MTBP: variants seen among roughly 807,000 people sequenced by gnomAD.
MTBP encodes MDM2 binding protein.
Under a neutral mutation model 117.0 loss-of-function variants are expected in MTBP, and 101 were observed. That is an observed-to-expected ratio of 0.86 (90% CI 0.73 to 1.02). The LOEUF is 1.02. MTBP is among the 50% of genes least tolerant of loss of function. The probability of loss-of-function intolerance (pLI) is 0.00; values close to 1 mark genes in which losing one functional copy is unlikely to be tolerated. For missense variants in MTBP, 970 were observed against 1,030.9 expected (o/e 0.94, Z 0.81); for synonymous variants, 350 against 351.5 (o/e 1.00, Z 0.05).
At chr8:120,522,368 G>A (rs950277685) in intron 20 of MTBP, among the ~76,000 whole-genome samples, 8 of 151,600 alleles carry the variant, frequency 5.3e-5, no homozygotes, top group Non-Finnish European at 7.4e-5. Context: ...GGATGCTCAC[G>A]GTGGAGGGTG....
At chr8:120,462,491 A>G (rs1482553309) in intron 9 of MTBP, among the ~76,000 whole-genome samples, 1 of 152,160 alleles carries the variant, frequency 6.6e-6, no homozygotes, top group Non-Finnish European at 1.5e-5. Flanking sequence ...TTGGAGTGGT[A>G]ATGTACATTG....
chr8:120,512,031 A>G (rs902757366), intron 17 of MTBP, among the ~76,000 whole-genome samples: 8 of 152,178 alleles, frequency 5.3e-5, no homozygotes, highest in Non-Finnish European at 1.0e-4. Flanking sequence ...TCAGCTATAA[A>G]GCAGTATCTC....
intron 1 of MTBP, 144 bp downstream of exon 1, chr8:120,445,732 G>C: frequency 1.8e-6 from 1 of 567,340 alleles, no homozygotes; most frequent in Non-Finnish European, 2.9e-6. Context: ...GTTAATGAGG[G>C]CTGCAAAAAT....
chr8:120,446,413 G>A lies in MTBP; in HGVS notation c.119-20G>A. The A allele has an allele frequency of 2.0e-6, 3 of 1,507,258 alleles. No individual in the cohort carries two copies. Among genetic ancestry groups the A allele is most frequent in the Non-Finnish European group, 2.8e-6 (3 of 1,083,442 alleles). 93.4% of individuals were successfully genotyped at this position (1,507,258 alleles called of 1,614,324 possible). ...TGTAAATCTAGAGCCCTTTGAGTTA[G>A]TCTATCTTTTCTTTTTCAGACTTCA... On this transcript the variant is annotated intron_variant, in intron 1 of 21. Transcript: ENST00000305949.
At chr8:120,462,847 A>G (rs1813608440) in intron 9 of MTBP, among the ~76,000 whole-genome samples, 1 of 152,164 alleles carries the variant, frequency 6.6e-6, no homozygotes, top group South Asian at 2.1e-4. Flanking sequence ...CACCTGTTCT[A>G]CCCTAAATAT....
intron 16 of MTBP, among the ~76,000 whole-genome samples, chr8:120,509,495 G>A (rs7009002): frequency 0.55 from 83,319 of 151,868 alleles, 25,320 homozygotes; most frequent in Non-Finnish European, 0.67. Context: ...CTAGCTACTC[G>A]GGAAGCTGAG....
chr8:120,502,561 A>G lies in MTBP; in HGVS notation c.1679A>G (p.His560Arg). 6.2e-7 allele frequency: 1 copy of G among 1,605,012 alleles called. No individual in the cohort carries two copies. The highest frequency in any genetic ancestry group is 1.1e-5 in the South Asian group (1 of 87,998). The change falls in exon 15 of 22, where the codon CAT (histidine) becomes CGT (arginine). Residue 560 changes from histidine to arginine, a missense_variant. His to Arg is a conservative substitution (Grantham distance 29). Coordinates refer to ENST00000305949, the MANE Select transcript of MTBP (RefSeq NM_022045.5). ...ETNPLEWPER[H>R]VLQNLETFEK... The stretch of plus-strand genomic sequence containing the variant: ...AATCCTCTGGAATGGCCAGAAAGGC[A>G]TGTTCTTCAAAATTTGGAAACTTTT...
At chr8:120,451,434 G>A in intron 4 of MTBP, 112 bp downstream of exon 4, 1 of 917,462 alleles carries the variant, frequency 1.1e-6, no homozygotes, top group Non-Finnish European at 1.6e-6. Flanking sequence ...AGAAACTCTA[G>A]TTAATTGAAA....
chr8:120,482,629 T>A (rs1026549843), intron 11 of MTBP, among the ~76,000 whole-genome samples: 5 of 152,196 alleles, frequency 3.3e-5, no homozygotes, highest in Middle Eastern at 3.2e-3. Flanking sequence ...AATTTATAAA[T>A]CCTGTGTTTT....
chr8:120,456,604 A>G lies in MTBP; in HGVS notation c.681A>G (p.Glu227=), dbSNP rs751333769. Residue 227 remains glutamate (E), a synonymous_variant, in exon 7 of 22, where the codon GAA becomes GAG. Transcript: ENST00000305949. The stretch of plus-strand genomic sequence containing the variant: ...TTTCTGCTAATGTTGTATCTTTAGA[A>G]GATCTCAGAAATGTTATTGACTCAA... ...EYLSANVVSL[E]DLRNVIDSKE... is the part of the protein sequence containing the mutation. 37 of 1,601,540 alleles carry G rather than the reference A, an allele frequency of 2.3e-5. No homozygotes were observed. Among genetic ancestry groups the G allele is most frequent in the Non-Finnish European group, 3.1e-5 (36 of 1,172,304 alleles).
At position 120,456,650 on chromosome 8, in the gene MTBP, A is replaced by G; in HGVS notation, c.727A>G (p.Ile243Val). The G allele has an allele frequency of 6.3e-7, 1 of 1,580,780 alleles. No individual in the cohort carries two copies. The highest frequency in any genetic ancestry group is 1.1e-5 in the South Asian group (1 of 88,264). ...CTCAAAGGAATTATGGAGGGGGAAAATACAGATATGGGAAAGAAAGGTAAA... is the reference window on the plus strand; with the variant it reads ...CTCAAAGGAATTATGGAGGGGGAAAGTACAGATATGGGAAAGAAAGGTAAA... ...IDSKELWRGK[I>V]QIWERKFGFE... The change falls in exon 7 of 22, where the codon ATA (isoleucine) becomes GTA (valine). Residue 243 changes from isoleucine to valine, a missense_variant. Coordinates refer to ENST00000305949, the MANE Select transcript of MTBP (RefSeq NM_022045.5).
In MTBP at chr8:120,517,888, C is replaced by T. The variant is rs1051198721; in HGVS notation, c.2284C>T (p.Gln762Ter). The T allele has an allele frequency of 3.1e-6, 5 of 1,611,352 alleles. No individual in the cohort carries two copies. The highest frequency in any genetic ancestry group is 2.5e-6 in the Non-Finnish European group (3 of 1,178,008). Residue 762 changes from glutamine to a stop codon, truncating the protein, a stop_gained, in exon 19 of 22, where the codon CAG (glutamine) becomes TAG (stop). Coordinates refer to ENST00000305949, the MANE Select transcript of MTBP (RefSeq NM_022045.5). LOFTEE classifies it high-confidence loss of function. ...KSESSESLLS[Q>*]TTGNSNHYHH... ...TGAAAGTTCAGAGTCTCTTCTTTCT[C>T]AGACAACTGGTAATAGTAATCACTA...
rs763917206 is a variant in MTBP at position 120,515,996 on chromosome 8, G to A, written c.2051G>A (p.Arg684His). ...TCTGAACTTCAGTCTCGTCTTATTCGTTATGAAACTCAAACTACCTGCACC... is the reference window on the plus strand; with the variant it reads ...TCTGAACTTCAGTCTCGTCTTATTCATTATGAAACTCAAACTACCTGCACC... ...GFSELQSRLI[R>H]YETQTTCTRE... The change falls in exon 18 of 22, where the codon CGT becomes CAT. Residue 684 changes from arginine to histidine, a missense_variant. By Grantham distance (29) the Arg-to-His change is conservative. Coordinates refer to ENST00000305949, the MANE Select transcript of MTBP (RefSeq NM_022045.5). 2.0e-5 allele frequency: 32 copies of A among 1,612,854 alleles called. No individual in the cohort carries two copies. The highest frequency in any genetic ancestry group is 2.2e-5 in the South Asian group (2 of 91,048).
chr8:120,517,777 A>G (rs1814945033), intron 18 of MTBP, 74 bp from the exon 19 acceptor site: 5 of 1,442,430 alleles, frequency 3.5e-6, no homozygotes, highest in African/African-American at 1.4e-5. Context: ...TAGTTGTAAT[A>G]TTTAAGACAG....
At chr8:120,484,831 C>T (rs1268693927) in intron 11 of MTBP, among the ~76,000 whole-genome samples, 1 of 152,094 alleles carries the variant, frequency 6.6e-6, no homozygotes, top group East Asian at 1.9e-4. Context: ...TTCCTCCTCC[C>T]TACCCCTAAG....
At chr8:120,485,733 T>C (rs888116780) in intron 11 of MTBP, among the ~76,000 whole-genome samples, 3 of 152,214 alleles carry the variant, frequency 2.0e-5, no homozygotes, top group Admixed American at 6.5e-5. Flanking sequence ...TTAGGTAATA[T>C]ATTGTAGCTA....
chr8:120,486,793 C>T (rs1814228484), intron 11 of MTBP, among the ~76,000 whole-genome samples: 1 of 152,208 alleles, frequency 6.6e-6, no homozygotes, highest in South Asian at 2.1e-4. Context: ...AAGCCACAAC[C>T]TGCTTCTTCC....
chr8:120,474,150 AT>A (rs1398597188), intron 11 of MTBP, among the ~76,000 whole-genome samples: 1 of 151,994 alleles, frequency 6.6e-6, no homozygotes, highest in East Asian at 1.9e-4. Flanking sequence ...GAGCATTAAT[AT>A]TGGTAACTTG....
chr8:120,509,206 T>C (rs1209549820), intron 16 of MTBP, among the ~76,000 whole-genome samples: 1 of 152,198 alleles, frequency 6.6e-6, no homozygotes, highest in Non-Finnish European at 1.5e-5. Flanking sequence ...CTTTTATTGT[T>C]ACCAAAGATT....
Sources: allele counts gnomAD v4.1 joint callset (sites outside exome capture counted in the v4.1 genomes callset), GRCh38; gene constraint gnomAD v4.1.1; transcripts MANE v1.5; gene names NCBI Gene and HGNC (gene_info 2026-07-23, HGNC 2026-07-21).